Variants in UBR2 observed in about 807,000 individuals in gnomAD.
UBR2 encodes ubiquitin protein ligase E3 component n-recognin 2.
In UBR2, 92 loss-of-function variants were observed where a neutral mutation model predicts 247.9. The ratio of observed to expected loss-of-function variants is 0.37; its 90% CI spans 0.31 to 0.44. UBR2 has a LOEUF of 0.44. Among genes scored for constraint, UBR2 ranks in the 20% least tolerant of loss-of-function variants. UBR2 has a pLI of 1.00. For missense variants in UBR2, 1,613 were observed against 2,112.6 expected (o/e 0.76, Z 4.64); for synonymous variants, 672 against 693.5 (o/e 0.97, Z 0.49).
chr6:42,581,978 C>T (rs1443638152), intron 2 of UBR2, among the ~76,000 whole-genome samples: 1 of 152,022 alleles, frequency 6.6e-6, no homozygotes, highest in African/African-American at 2.4e-5. Context: ...TAAAAATCTG[C>T]AGCTTTTAAT....
chr6:42,643,887 G>C (rs1013188110), intron 18 of UBR2, among the ~76,000 whole-genome samples: 2 of 152,072 alleles, frequency 1.3e-5, no homozygotes, highest in African/African-American at 4.8e-5. Flanking sequence ...TAAAATTTTG[G>C]CACTGAATTC....
chr6:42,641,395 C>A (rs959631209), intron 16 of UBR2, among the ~76,000 whole-genome samples, 187 bp from the exon 17 acceptor site: 11 of 151,974 alleles, frequency 7.2e-5, no homozygotes, highest in African/African-American at 2.2e-4. Flanking sequence ...ACCTGGGAGG[C>A]CGAGATCGCA....
chr6:42,633,562 T>A (rs941331838), intron 13 of UBR2, among the ~76,000 whole-genome samples: 2 of 152,094 alleles, frequency 1.3e-5, no homozygotes, highest in African/African-American at 4.8e-5. Context: ...GCTAATTTTT[T>A]GTATTTTTAA....
At chr6:42,666,017 A>G in intron 33 of UBR2, 150 bp from the exon 34 acceptor site, 3 of 596,206 alleles carry the variant, frequency 5.0e-6, no homozygotes, top group South Asian at 5.0e-5. Context: ...CAACTAGAGC[A>G]ATAACGTTTT....
intron 2 of UBR2, among the ~76,000 whole-genome samples, chr6:42,584,511 T>A (rs1035114733): frequency 6.6e-6 from 1 of 152,216 alleles, no homozygotes; most frequent in South Asian, 2.1e-4. Flanking sequence ...CTTTTGCATT[T>A]TATAAATTTT....
chr6:42,636,210 C>G (rs935785612), intron 14 of UBR2, among the ~76,000 whole-genome samples: 1 of 135,778 alleles, frequency 7.4e-6, no homozygotes, highest in Non-Finnish European at 1.5e-5. Context: ...ACACAGCTTA[C>G]TCTGTTGCCC....
intron 4 of UBR2, among the ~76,000 whole-genome samples, chr6:42,597,123 T>A (rs1256868725): frequency 6.6e-6 from 1 of 152,172 alleles, no homozygotes; most frequent in Admixed American, 6.5e-5. Flanking sequence ...TTTATCCTCA[T>A]ACATTAGTGG....
rs34530579 is a variant in UBR2 at position 42,586,822 on chromosome 6, C to CTTTTTT, written c.339-5317_339-5312dup. On this transcript the variant is annotated intron_variant, in intron 2 of 46. Coordinates refer to ENST00000372901, the MANE Select transcript of UBR2 (RefSeq NM_001363705.2). Reference sequence around the variant, plus strand: ...TTGTCATATATATTGCACCTATAAACTTTTTTTTTTTTTTTTTGAGACAGA... The same window carrying CTTTTTT: ...TTGTCATATATATTGCACCTATAAACTTTTTTTTTTTTTTTTTTTTTTTGAGACAGA... 2.5e-3 allele frequency among the ~76,000 whole-genome samples: 310 copies of CTTTTTT among 123,872 alleles called. 19 individuals carry two copies. Among genetic ancestry groups the CTTTTTT allele is most frequent in the African/African-American group, 9.2e-3 (292 of 31,870 alleles). The allele number at this position is 123,872 out of a possible 152,430, so 81.3% of individuals were successfully genotyped here.
chr6:42,634,974 C>T (rs1216042074), intron 13 of UBR2, among the ~76,000 whole-genome samples: 4 of 152,092 alleles, frequency 2.6e-5, no homozygotes, highest in Admixed American at 2.0e-4. Flanking sequence ...ATTGTTTTGC[C>T]TTCTTTCAGG....
chr6:42,645,420 G>A, intron 20 of UBR2, 46 bp from the exon 21 acceptor site: 1 of 1,563,840 alleles, frequency 6.4e-7, no homozygotes, highest in Non-Finnish European at 8.8e-7. Flanking sequence ...CGAAAGTATT[G>A]TGATTATGTT....
chr6:42,592,045 A>T (rs946700613), intron 2 of UBR2, 106 bp from the exon 3 acceptor site: 1 of 1,107,634 alleles, frequency 9.0e-7, no homozygotes, highest in East Asian at 2.5e-5. Context: ...ACACCAAAAA[A>T]CTTCACGTTT....
At chr6:42,592,930 T>C (rs750478601) in intron 3 of UBR2, among the ~76,000 whole-genome samples, 72 of 152,154 alleles carry the variant, frequency 4.7e-4, no homozygotes, top group Non-Finnish European at 6.9e-4. Flanking sequence ...ATTCCAGCAC[T>C]TTGGGAGGCC....
intron 1 of UBR2, among the ~76,000 whole-genome samples, chr6:42,566,199 G>T (rs901619640): frequency 2.0e-5 from 3 of 152,024 alleles, no homozygotes; most frequent in South Asian, 2.1e-4. Context: ...TCTCCAATTT[G>T]TAGAGGCTCC....
intron 1 of UBR2, among the ~76,000 whole-genome samples, chr6:42,570,340 C>G (rs951106708): frequency 1.3e-5 from 2 of 152,148 alleles, no homozygotes; most frequent in African/African-American, 4.8e-5. Flanking sequence ...TCAAGCGATT[C>G]TTTTGCCTCA....
intron 24 of UBR2, 84 bp from the exon 25 acceptor site, chr6:42,652,407 A>C: frequency 7.1e-7 from 1 of 1,414,428 alleles, no homozygotes; most frequent in Non-Finnish European, 9.6e-7. Context: ...ATATTCTTTG[A>C]GTTAAAACTA....
intron 30 of UBR2, among the ~76,000 whole-genome samples, chr6:42,661,561 C>T (rs1797804923): frequency 6.6e-6 from 1 of 152,180 alleles, no homozygotes; most frequent in South Asian, 2.1e-4. Flanking sequence ...AGAAGCCAGA[C>T]ATCCATCTTG....
At chr6:42,604,773 T>C (rs930337688) in intron 5 of UBR2, among the ~76,000 whole-genome samples, 2 of 152,182 alleles carry the variant, frequency 1.3e-5, no homozygotes, top group Non-Finnish European at 2.9e-5. Flanking sequence ...ATGCCTGTGA[T>C]CCTAGCACTT....
intron 1 of UBR2, among the ~76,000 whole-genome samples, chr6:42,568,662 G>A (rs796404878): frequency 7.9e-5 from 12 of 152,040 alleles, no homozygotes; most frequent in African/African-American, 1.9e-4. Flanking sequence ...CCCGGGAGGC[G>A]GAGCTTGCAG....
rs1243225000 is a variant in UBR2 at position 42,632,567 on chromosome 6, A to G, written c.1297A>G (p.Thr433Ala). The change falls in exon 12 of 47, where the codon ACA becomes GCA. Residue 433 changes from threonine to alanine, a missense_variant. This residue lies in a region of UBR2 where 1,524 missense variants were observed against 1,967.3 expected (regional missense o/e 0.77). Transcript: ENST00000372901. ...TVPSLARMLI[T>A]EENLMSIIIK... is the part of the protein sequence containing the mutation. ...TTGTTTTTAGGCTCGAATGCTCATC[A>G]CAGAAGAAAACTTAATGAGCATTAT... The G allele has an allele frequency of 3.1e-6, 5 of 1,607,516 alleles. No homozygotes were observed. Among genetic ancestry groups the G allele is most frequent in the South Asian group, 1.1e-5 (1 of 89,638 alleles).
Sources: gnomAD v4.1 joint callset for allele counts (sites outside exome capture counted in the v4.1 genomes callset) on GRCh38, gnomAD v4.1.1 for gene constraint, gnomAD v4.1.1 regional missense constraint, MANE v1.5 for transcripts, NCBI Gene and HGNC (gene_info 2026-07-23, HGNC 2026-07-21) for gene names.